The following SHISA9 variants were observed in gnomAD, a reference collection of about 807,000 sequenced individuals.
SHISA9 encodes shisa family member 9.
In SHISA9, 13 loss-of-function variants were observed where a neutral mutation model predicts 38.0. The ratio of observed to expected loss-of-function variants is 0.34; its 90% CI spans 0.22 to 0.54. SHISA9 has a LOEUF of 0.54. Ranked by LOEUF, SHISA9 falls within the 20% of genes least tolerant of loss-of-function variation. The pLI, the probability that SHISA9 is intolerant of heterozygous loss-of-function variation, is 0.91. For missense variants in SHISA9, 538 were observed against 575.8 expected (o/e 0.93, Z 0.67); for synonymous variants, 275 against 242.0 (o/e 1.14, Z -1.27).
chr16:13,540,193 CCACACACACA>C, the SHISA9 span, among the ~76,000 whole-genome samples: 6 of 149,742 alleles, frequency 4.0e-5, no homozygotes, highest in East Asian at 2.0e-4. Context: ...GCATACATGC[CCACACACACA>C]CACACACACA....
the SHISA9 span, among the ~76,000 whole-genome samples, chr16:13,485,655 C>T: frequency 6.6e-6 from 1 of 152,120 alleles, no homozygotes; most frequent in Non-Finnish European, 1.5e-5. Context: ...GAGAACATTT[C>T]AATTCTTCTC....
At chr16:13,181,316 C>T (rs374445870) in intron 2 of SHISA9, among the ~76,000 whole-genome samples, 321 of 36,846 alleles carry the variant, frequency 8.7e-3, no homozygotes, top group African/African-American at 0.015. Flanking sequence ...TATATATACA[C>T]ACACACACAC....
At chr16:13,103,395 A>C (rs186627228) in intron 2 of SHISA9, among the ~76,000 whole-genome samples, 1 of 152,330 alleles carries the variant, frequency 6.6e-6, no homozygotes, top group Non-Finnish European at 1.5e-5. Context: ...TTCTGAGATG[A>C]ATTATTGCAC....
At chr16:13,067,715 C>G (rs2073451177) in intron 2 of SHISA9, among the ~76,000 whole-genome samples, 1 of 152,210 alleles carries the variant, frequency 6.6e-6, no homozygotes, top group East Asian at 1.9e-4. Flanking sequence ...CCAGCTCAGG[C>G]CCTGTCTTAG....
intron 2 of SHISA9, among the ~76,000 whole-genome samples, chr16:13,125,878 C>T (rs1448574251): frequency 6.6e-6 from 1 of 152,202 alleles, no homozygotes; most frequent in Non-Finnish European, 1.5e-5. Flanking sequence ...CATTGATCAG[C>T]TCTGAGGCTG....
chr16:13,484,985 T>C, the SHISA9 span, among the ~76,000 whole-genome samples: 2 of 151,912 alleles, frequency 1.3e-5, no homozygotes, highest in African/African-American at 4.8e-5. Context: ...ATGGTATGTG[T>C]ATCAGTCAAG....
chr16:13,529,964 AC>A, the SHISA9 span, among the ~76,000 whole-genome samples: 1 of 152,216 alleles, frequency 6.6e-6, no homozygotes, highest in Non-Finnish European at 1.5e-5. Context: ...GAAGCTTACT[AC>A]AGACTTTTGG....
rs1467781665 is a variant in SHISA9, at chr16:13,202,099, C to G, written c.692-1295C>G. ...TTCCCATTTGGGTCTCGCCTCCTGT[C>G]TATCCATCCCATTGCTCTCAGGATG... is the stretch of plus-strand genomic sequence containing the variant. On this transcript the variant is annotated intron_variant, in intron 2 of 4. Coordinates refer to ENST00000558583, the MANE Select transcript of SHISA9 (RefSeq NM_001145204.3). 1.7e-5 allele frequency among the ~76,000 whole-genome samples: 2 copies of G among 116,192 alleles called. 1 individual carries two copies. Among genetic ancestry groups the G allele is most frequent in the Non-Finnish European group, 3.6e-5 (2 of 55,006 alleles). 76.2% of individuals were successfully genotyped at this position (116,192 alleles called of 152,430 possible). A position where few individuals can be genotyped will look rare whatever the true frequency, so the allele number is the denominator to read the frequency against.
the SHISA9 span, among the ~76,000 whole-genome samples, chr16:13,354,904 T>C: frequency 6.6e-6 from 1 of 151,978 alleles, no homozygotes; most frequent in East Asian, 1.9e-4. Flanking sequence ...TTGGGCTTGA[T>C]TGAAGTAATG....
chr16:13,021,418 A>G (rs1006254995), intron 2 of SHISA9, among the ~76,000 whole-genome samples: 1 of 152,170 alleles, frequency 6.6e-6, no homozygotes. Flanking sequence ...CATTTACCAC[A>G]TAGAGATGGA....
chr16:12,989,127 A>C (rs144300872), intron 2 of SHISA9, among the ~76,000 whole-genome samples: 86 of 152,304 alleles, frequency 5.6e-4, no homozygotes, highest in African/African-American at 2.0e-3. Context: ...GAACCAGTAG[A>C]TGCTTTGAAA....
chr16:13,069,592 T>G (rs950096537), intron 2 of SHISA9, among the ~76,000 whole-genome samples: 2 of 152,106 alleles, frequency 1.3e-5, no homozygotes, highest in South Asian at 4.1e-4. Context: ...GTACATGTGA[T>G]GTATGTGTGC....
At chr16:13,144,118 C>T (rs563942911) in intron 2 of SHISA9, among the ~76,000 whole-genome samples, 2 of 146,826 alleles carry the variant, frequency 1.4e-5, no homozygotes, top group East Asian at 2.0e-4. Context: ...GTGTAATATC[C>T]TAGTATGGGA....
chr16:13,106,351 C>G (rs1267184425), intron 2 of SHISA9, among the ~76,000 whole-genome samples: 1 of 152,138 alleles, frequency 6.6e-6, no homozygotes, highest in East Asian at 1.9e-4. Flanking sequence ...GTTTAAGTTC[C>G]TGCATCAGAG....
chr16:13,034,903 C>T (rs925274722), intron 2 of SHISA9, among the ~76,000 whole-genome samples: 1 of 152,158 alleles, frequency 6.6e-6, no homozygotes, highest in Non-Finnish European at 1.5e-5. Context: ...CAGTACTAGA[C>T]ATGTGAATGA....
chr16:13,399,388 C>G, the SHISA9 span, among the ~76,000 whole-genome samples: 1 of 152,266 alleles, frequency 6.6e-6, no homozygotes, highest in African/African-American at 2.4e-5. Flanking sequence ...CCTGATTTAA[C>G]CACAAATGGA....
chr16:13,528,092 C>A, the SHISA9 span, among the ~76,000 whole-genome samples: 1 of 152,132 alleles, frequency 6.6e-6, no homozygotes, highest in Non-Finnish European at 1.5e-5. Flanking sequence ...CTGCCTGGCA[C>A]TTCGGGGGGC....
At chr16:13,299,717 AAAAAAAAC>A in the SHISA9 span, among the ~76,000 whole-genome samples, 1 of 151,738 alleles carries the variant, frequency 6.6e-6, no homozygotes, top group South Asian at 2.1e-4. Context: ...TGTCAAAAAA[AAAAAAAAC>A]AAAAAAAACC....
chr16:13,369,128 G>A, the SHISA9 span, among the ~76,000 whole-genome samples: 17 of 152,232 alleles, frequency 1.1e-4, no homozygotes, highest in Non-Finnish European at 2.4e-4. Context: ...GCAAGCTGCA[G>A]AATAATGTGC....
Sources: gnomAD v4.1 joint callset for allele counts (sites outside exome capture counted in the v4.1 genomes callset) on GRCh38, gnomAD v4.1.1 for gene constraint, MANE v1.5 for transcripts, NCBI Gene and HGNC (gene_info 2026-07-23, HGNC 2026-07-21) for gene names.